AKAP6: variants seen among roughly 807,000 people sequenced by gnomAD.
AKAP6 encodes A-kinase anchoring protein 6.
AKAP6 carries 58 observed loss-of-function variants against 188.5 expected under a neutral mutation model. The ratio of observed to expected loss-of-function variants is 0.31; its 90% CI spans 0.25 to 0.38. The LOEUF is 0.38. AKAP6 is among the 10% of genes least tolerant of loss of function. AKAP6 has a pLI of 1.00. For synonymous variants in AKAP6, 989 were observed against 998.6 expected (o/e 0.99, Z 0.18); for missense variants, 2,710 against 2,740.0 (o/e 0.99, Z 0.24).
At chr14:32,706,244 A>G (rs557104249) in intron 9 of AKAP6, among the ~76,000 whole-genome samples, 16 of 152,216 alleles carry the variant, frequency 1.1e-4, no homozygotes, top group Admixed American at 3.3e-4. Context: ...TTTTGTGCTA[A>G]GATAGAAGAA....
rs71115063 is a variant in AKAP6 at position 32,348,417 on chromosome 14, CTTT to C, written c.-35+19025_-35+19027del. ...TGGGGTTCTTTCTTTTCTTTTGTTT[CTTT>C]TTTTTTTTTTTTTTTAAGAGTTTTG... On this transcript the variant is annotated intron_variant, in intron 1 of 13. Transcript: ENST00000280979. 7.1e-5 allele frequency among the ~76,000 whole-genome samples: 9 copies of C among 126,168 alleles called. 1 individual carries two copies. Among genetic ancestry groups the C allele is most frequent in the African/African-American group, 2.5e-4 (8 of 32,440 alleles). 82.8% of individuals were successfully genotyped at this position (126,168 alleles called of 152,430 possible).
intron 8 of AKAP6, among the ~76,000 whole-genome samples, chr14:32,686,004 A>G (rs985005322): frequency 7.2e-5 from 11 of 152,218 alleles, no homozygotes; most frequent in African/African-American, 2.2e-4. Context: ...TTGTTGCAGC[A>G]TTGTTCACAA....
At chr14:32,652,661 T>A (rs886829429) in intron 7 of AKAP6, among the ~76,000 whole-genome samples, 1 of 152,224 alleles carries the variant, frequency 6.6e-6, no homozygotes, top group African/African-American at 2.4e-5. Flanking sequence ...TTACTCTCCA[T>A]TCAAGCTACA....
intron 12 of AKAP6, among the ~76,000 whole-genome samples, chr14:32,788,386 G>A (rs1431983435): frequency 1.3e-5 from 2 of 152,186 alleles, no homozygotes; most frequent in Non-Finnish European, 2.9e-5. Flanking sequence ...AGAAGCAGCC[G>A]TGGTCTGTGG....
chr14:32,423,311 G>A (rs949960459), intron 1 of AKAP6, among the ~76,000 whole-genome samples: 4 of 152,020 alleles, frequency 2.6e-5, no homozygotes, highest in South Asian at 2.1e-4. Flanking sequence ...CTGGGACTAC[G>A]GGTACATGCC....
chr14:32,647,155 T>A (rs1054999971), intron 7 of AKAP6, among the ~76,000 whole-genome samples: 31 of 152,250 alleles, frequency 2.0e-4, no homozygotes, highest in African/African-American at 7.5e-4. Context: ...TGAAAAACCG[T>A]GCTTCATATA....
At chr14:32,775,169 G>T (rs539247757) in intron 12 of AKAP6, among the ~76,000 whole-genome samples, 1 of 152,090 alleles carries the variant, frequency 6.6e-6, no homozygotes, top group Non-Finnish European at 1.5e-5. Context: ...TATTTAGCTG[G>T]CATGTTTTTT....
chr14:32,463,554 A>G (rs972070966), intron 2 of AKAP6, among the ~76,000 whole-genome samples: 1 of 152,212 alleles, frequency 6.6e-6, no homozygotes, highest in African/African-American at 2.4e-5. Context: ...GAAACCAATG[A>G]GAACAAAGAG....
At chr14:32,553,167 CTTT>C (rs397798236) in intron 4 of AKAP6, among the ~76,000 whole-genome samples, 2 of 132,690 alleles carry the variant, frequency 1.5e-5, no homozygotes, top group African/African-American at 3.2e-5. Context: ...TTTTTCTTTT[CTTT>C]TTTTTTTTTT....
chr14:32,425,363 A>C (rs1370476267), intron 1 of AKAP6, among the ~76,000 whole-genome samples: 2 of 152,080 alleles, frequency 1.3e-5, no homozygotes, highest in Non-Finnish European at 2.9e-5. Context: ...TTGGGAAGTC[A>C]AGGTGGGCCA....
At chr14:32,482,090 C>T (rs1879382122) in intron 2 of AKAP6, among the ~76,000 whole-genome samples, 1 of 152,126 alleles carries the variant, frequency 6.6e-6, no homozygotes, top group Non-Finnish European at 1.5e-5. Context: ...AGCCCTACTT[C>T]CTTCCTTCCC....
At chr14:32,431,922 T>C (rs570531854) in intron 1 of AKAP6, among the ~76,000 whole-genome samples, 2 of 152,344 alleles carry the variant, frequency 1.3e-5, no homozygotes, top group Admixed American at 1.3e-4. Flanking sequence ...AGTAACTTAG[T>C]CTTAAGGCTT....
At chr14:32,813,065 C>T (rs2034279186) in intron 12 of AKAP6, among the ~76,000 whole-genome samples, 1 of 152,188 alleles carries the variant, frequency 6.6e-6, no homozygotes, top group Non-Finnish European at 1.5e-5. Context: ...GCCTTCACTT[C>T]AGATGCCAAT....
At chr14:32,340,244 T>A (rs1387624296) in intron 1 of AKAP6, among the ~76,000 whole-genome samples, 1 of 152,074 alleles carries the variant, frequency 6.6e-6, no homozygotes, top group Non-Finnish European at 1.5e-5. Context: ...ACATATTTAA[T>A]ATACTTTCAA....
At chr14:32,359,806 G>A (rs1887600424) in intron 1 of AKAP6, among the ~76,000 whole-genome samples, 1 of 152,106 alleles carries the variant, frequency 6.6e-6, no homozygotes, top group Non-Finnish European at 1.5e-5. Context: ...GTTTTTGGGA[G>A]GGTAACACAA....
At chr14:32,550,141 A>AAAACAT (rs1883388946) in intron 4 of AKAP6, among the ~76,000 whole-genome samples, 1 of 152,192 alleles carries the variant, frequency 6.6e-6, no homozygotes, top group Non-Finnish European at 1.5e-5. Context: ...GAGATGTTTT[A>AAAACAT]ACCCGATGAT....
At chr14:32,443,433 A>G (rs11628453) in intron 2 of AKAP6, among the ~76,000 whole-genome samples, 32 of 151,514 alleles carry the variant, frequency 2.1e-4, no homozygotes, top group African/African-American at 6.8e-4. Context: ...AAACAAAAAA[A>G]CCCCACACAA....
chr14:32,406,662 C>T (rs777405383), intron 1 of AKAP6, among the ~76,000 whole-genome samples: 4 of 152,138 alleles, frequency 2.6e-5, no homozygotes, highest in Non-Finnish European at 4.4e-5. Flanking sequence ...TTTTACAATT[C>T]TCCACAAACA....
intron 5 of AKAP6, among the ~76,000 whole-genome samples, chr14:32,578,910 T>C (rs1884847001): frequency 6.6e-6 from 1 of 152,106 alleles, no homozygotes; most frequent in Non-Finnish European, 1.5e-5. Flanking sequence ...GGTTTCTTAC[T>C]TGGCATCCTT....
Sources: gnomAD v4.1 joint callset for allele counts (sites outside exome capture counted in the v4.1 genomes callset) on GRCh38, gnomAD v4.1.1 for gene constraint, MANE v1.5 for transcripts, NCBI Gene and HGNC (gene_info 2026-07-23, HGNC 2026-07-21) for gene names.